Variants in DLG5 observed in about 807,000 individuals in gnomAD.
DLG5 encodes the protein disks large homolog 5.
DLG5 carries 48 observed loss-of-function variants against 189.8 expected under a neutral mutation model. The observed-to-expected ratio is 0.25, with a 90% confidence interval of 0.20 to 0.32. DLG5 has a LOEUF of 0.32. Among genes scored for constraint, DLG5 ranks in the 10% least tolerant of loss-of-function variants. The pLI is 1.00. For missense variants in DLG5, 2,160 were observed against 2,544.7 expected (o/e 0.85, Z 3.25); for synonymous variants, 1,016 against 1,054.1 (o/e 0.96, Z 0.70).
At position 77,893,791 on chromosome 10, in the gene DLG5, C is replaced by G. The variant is rs1355346520; in HGVS notation, c.305-24594G>C. On this transcript the variant is annotated intron_variant, in intron 1 of 31. Transcript: ENST00000372391. ...CACCATTACCTGGTTTTCTAATTCT[C>G]CCTGGAGGAAACTGGATCAATGGGG... Among the ~76,000 whole-genome samples the G allele has an allele frequency of 2.0e-5, 3 of 152,234 alleles. No homozygotes were observed. In the East Asian group the frequency reaches 5.8e-4, roughly 29 times the overall value.
Position 77,805,771 on chromosome 10 carries a change from C to T in DLG5, c.5058G>A (p.Arg1686=), listed in dbSNP as rs16935381. The change falls in exon 27 of 32, where the codon CGG becomes CGA. Residue 1686 remains arginine, a synonymous_variant. Coordinates refer to ENST00000372391, the MANE Select transcript of DLG5 (RefSeq NM_004747.4). ...ATKTLSAAAR[R]SFFRRKHKHK... ...GCTTGTGTTTCCTCCGAAAAAAGGACCGGCGTGCAGCCGCTGACAGCGTCT... is the reference window on the plus strand; with the variant it reads ...GCTTGTGTTTCCTCCGAAAAAAGGATCGGCGTGCAGCCGCTGACAGCGTCT... The T allele has an allele frequency of 5.9e-3, 9,597 of 1,614,148 alleles. 489 individuals carry two copies. The African/African-American group carries it at 0.11, about 19-fold the overall frequency.
intron 3 of DLG5, among the ~76,000 whole-genome samples, chr10:77,856,083 G>T (rs1026339666): frequency 2.0e-5 from 3 of 152,064 alleles, no homozygotes; most frequent in Non-Finnish European, 4.4e-5. Context: ...TGTGGCTCAC[G>T]CCTGTAATTC....
chr10:77,855,964 TGG>T (rs1264452203), intron 3 of DLG5, among the ~76,000 whole-genome samples: 4 of 152,326 alleles, frequency 2.6e-5, no homozygotes, highest in Non-Finnish European at 5.9e-5. Flanking sequence ...CACCCTTCCC[TGG>T]TATCTACCTC....
chr10:77,902,738 T>C (rs945880302), intron 1 of DLG5, among the ~76,000 whole-genome samples: 2 of 152,048 alleles, frequency 1.3e-5, no homozygotes, highest in Non-Finnish European at 2.9e-5. Flanking sequence ...CATGCGCTTG[T>C]AGTCCCAGCT....
At chr10:77,921,914 A>C (rs948124106) in intron 1 of DLG5, among the ~76,000 whole-genome samples, 2 of 152,204 alleles carry the variant, frequency 1.3e-5, no homozygotes, top group Non-Finnish European at 2.9e-5. Context: ...CTGCCTCCCA[A>C]TAGAGGCCTG....
chr10:77,823,163 G>T (rs7080887), intron 14 of DLG5, among the ~76,000 whole-genome samples: 4,978 of 152,224 alleles, frequency 0.033, 281 homozygotes, highest in African/African-American at 0.11. Flanking sequence ...GACAGGAGTG[G>T]GGATGGTGGT....
intron 1 of DLG5, among the ~76,000 whole-genome samples, chr10:77,873,013 A>ATGTGTGTG (rs112644933): frequency 2.1e-3 from 261 of 124,864 alleles, no homozygotes; most frequent in African/African-American, 8.4e-3. Flanking sequence ...CAGCCTCCTG[A>ATGTGTGTG]TGTGTGTGTG....
At chr10:77,800,903 C>G (rs932041989) in intron 27 of DLG5, among the ~76,000 whole-genome samples, 3 of 152,084 alleles carry the variant, frequency 2.0e-5, no homozygotes, top group Non-Finnish European at 2.9e-5. Context: ...TGGGCCACCC[C>G]CTAGGGTCAG....
At chr10:77,930,863 C>T (rs1846780263), upstream of DLG5, among the ~76,000 whole-genome samples, 2 of 141,504 alleles carry the variant, frequency 1.4e-5, no homozygotes, top group South Asian at 4.5e-4. Context: ...TCTTGTTGCC[C>T]AGGCTGGAGT....
At chr10:77,799,396 T>C (rs1443266257) in intron 27 of DLG5, among the ~76,000 whole-genome samples, 1 of 152,170 alleles carries the variant, frequency 6.6e-6, no homozygotes, top group Non-Finnish European at 1.5e-5. Flanking sequence ...CCTAATCTGA[T>C]AGAACTGCGG....
intron 1 of DLG5, among the ~76,000 whole-genome samples, chr10:77,885,381 T>C (rs539617204): frequency 3.3e-5 from 5 of 152,266 alleles, no homozygotes; most frequent in African/African-American, 1.2e-4. Flanking sequence ...CACAGAAGGA[T>C]TTCAAATGCA....
chr10:77,867,987 T>C (rs1429199981), intron 2 of DLG5: 1 of 456,622 alleles, frequency 2.2e-6, no homozygotes, highest in Non-Finnish European at 4.4e-6. Context: ...CAGAGATCAG[T>C]GTGATGTCGG....
At chr10:77,837,857 G>A (rs902220832) in intron 7 of DLG5, among the ~76,000 whole-genome samples, 4 of 152,182 alleles carry the variant, frequency 2.6e-5, no homozygotes, top group Non-Finnish European at 5.9e-5. Context: ...GAAGAGATGG[G>A]CTAGTCTTCA....
In DLG5 at chr10:77,814,820, C is replaced by G. The variant is rs1473708766; in HGVS notation, c.4025+1731G>C. 2.0e-5 allele frequency among the ~76,000 whole-genome samples: 3 copies of G among 152,114 alleles called. No individual in the cohort carries two copies. In the East Asian group the frequency reaches 5.8e-4, roughly 29 times the overall value. On this transcript the variant is annotated intron_variant, in intron 20 of 31. Transcript: ENST00000372391. ...GAACTCCTGACCTCCAGTGATCCAC[C>G]TGCCTCGGCCTCCTTACAGGTGTGA... is the stretch of plus-strand genomic sequence containing the variant.
intron 1 of DLG5, among the ~76,000 whole-genome samples, chr10:77,870,981 G>A (rs140155095): frequency 2.6e-5 from 4 of 152,182 alleles, no homozygotes; most frequent in Admixed American, 6.6e-5. Context: ...AGAGAAAAAA[G>A]AGAAAGCAAG....
Position 77,806,803 on chromosome 10 carries a change from T to C in DLG5, c.4922A>G (p.Glu1641Gly). ...CCCGCGCTGGATCTTCTGGGCATTC[T>C]CGTCCAGCTGCCAAGCCATCCAGGA... ...FGSWMAWQLD[E>G]NAQKIQRGQI... is the part of the protein sequence containing the mutation. Residue 1641 changes from glutamate (E) to glycine (G), a missense_variant, in exon 26 of 32, where the codon GAG (glutamate) becomes GGG (glycine). Glu to Gly is a moderately conservative substitution (Grantham distance 98, BLOSUM62 -2). Transcript: ENST00000372391. 6.2e-7 allele frequency: 1 copy of C among 1,607,554 alleles called. No individual in the cohort carries two copies. Among genetic ancestry groups the C allele is most frequent in the Non-Finnish European group, 8.5e-7 (1 of 1,176,018 alleles).
At chr10:77,848,461 A>C (rs1187429246) in intron 5 of DLG5, among the ~76,000 whole-genome samples, 6 of 152,182 alleles carry the variant, frequency 3.9e-5, no homozygotes, top group African/African-American at 1.4e-4. Context: ...AGGACCTAGG[A>C]GAACATGTGC....
rs573223848 is a variant in DLG5 at position 77,800,858 on chromosome 10, C to T, written c.5165-4264G>A. Among the ~76,000 whole-genome samples the T allele has an allele frequency of 2.5e-4, 38 of 152,284 alleles. No individual in the cohort carries two copies. In the South Asian group the frequency reaches 7.5e-3, roughly 30 times the overall value. ...GAAGTCAAGGCTCCCTAGGGAAGAG[C>T]GGCCCTAGGGAACACCCCAGGCTGG... On this transcript the variant is annotated intron_variant, in intron 27 of 31. Transcript: ENST00000372391.
intron 1 of DLG5, among the ~76,000 whole-genome samples, chr10:77,900,586 G>T (rs574068005): frequency 2.0e-5 from 3 of 152,140 alleles, no homozygotes; most frequent in East Asian, 1.9e-4. Context: ...GATCACTTGA[G>T]GTCAGGAGTT....
Sources: allele counts gnomAD v4.1 joint callset (sites outside exome capture counted in the v4.1 genomes callset), GRCh38; gene constraint gnomAD v4.1.1; transcripts MANE v1.5; gene names NCBI Gene and HGNC (gene_info 2026-07-23, HGNC 2026-07-21).